Variants in TAP1 observed in about 807,000 individuals in gnomAD.
TAP1 encodes the protein transporter 1, ATP binding cassette subfamily B member.
TAP1 carries 56 observed loss-of-function variants against 79.3 expected under a neutral mutation model. The ratio of observed to expected loss-of-function variants is 0.71; its 90% CI spans 0.57 to 0.88. The LOEUF (loss-of-function observed/expected upper bound fraction) is 0.88, where lower values mean the gene tolerates loss of function less well. Among genes scored for constraint, TAP1 ranks in the 40% least tolerant of loss-of-function variants. The pLI, the probability that TAP1 is intolerant of heterozygous loss-of-function variation, is 0.00. For synonymous variants in TAP1, 355 were observed against 401.4 expected (o/e 0.88, Z 1.38); for missense variants, 737 against 936.3 (o/e 0.79, Z 2.78).
chr6:32,853,198 C>T lies in TAP1; in HGVS notation c.439G>A (p.Ala147Thr). The T allele has an allele frequency of 6.2e-7, 1 of 1,611,964 alleles. No individual in the cohort carries two copies. The highest frequency in any genetic ancestry group is 8.5e-7 in the Non-Finnish European group (1 of 1,179,538). Residue 147 changes from alanine to threonine, a missense_variant, in exon 1 of 11, where the codon GCA becomes ACA. Physicochemically the swap from Ala to Thr is moderately conservative, Grantham distance 58. Transcript: ENST00000354258. This position sits in a 1 kb window ranked among gnomAD's most constrained non-coding sequence, Gnocchi z 8.3. Reference protein sequence around the residue: ...PTAFVVSYAAALPAAALWHKL... With the variant: ...PTAFVVSYAATLPAAALWHKL... ...TGCCACAGGGCTGCTGCGGGCAGTG[C>T]CGCTGCATAACTGACAACGAAGGCG...
chr6:32,849,255 A>T, intron 5 of TAP1, 137 bp from the exon 6 acceptor site: 1 of 1,023,648 alleles, frequency 9.8e-7, no homozygotes, highest in Admixed American at 2.0e-5. Context: ...GGCAGACAGG[A>T]GAATGAACCA....
Position 32,852,478 on chromosome 6 carries a change from G to T in TAP1, c.623C>A (p.Thr208Lys). The change falls in exon 2 of 11, where the codon ACG becomes AAG. Residue 208 changes from threonine (T) to lysine (K), a missense_variant. Around this residue, in one of 5 missense-constraint regions of TAP1, gnomAD observed 406 missense variants for 477.2 expected, o/e 0.85. Transcript: ENST00000354258. The surrounding 1 kb of genome is among the most constrained non-coding windows in gnomAD (Gnocchi z 4.8). ...TAGAATCCAGTCAGTGAGGCGGCCCGTAAAGAATGGAATGGCCATCTCCCC... is the reference window on the plus strand; with the variant it reads ...TAGAATCCAGTCAGTGAGGCGGCCCTTAAAGAATGGAATGGCCATCTCCCC... ...SLGEMAIPFF[T>K]GRLTDWILQD... 6.2e-7 allele frequency: 1 copy of T among 1,613,008 alleles called. No homozygotes were observed. Among genetic ancestry groups the T allele is most frequent in the Non-Finnish European group, 8.5e-7 (1 of 1,180,016 alleles).
Position 32,847,918 on chromosome 6 carries a change from C to G in TAP1, c.1740+1G>C, listed in dbSNP as rs1414350155. On this transcript the variant is annotated splice_donor_variant, in intron 8 of 10. Transcript: ENST00000354258. LOFTEE classifies it high-confidence loss of function. This position sits in a 1 kb window ranked among gnomAD's most constrained non-coding sequence, Gnocchi z 4.7. ...CTCCTTCAAGCCACCTGCTTCCATA[C>G]CTGCCTGTGCAGGTAGCGGTGCTCA... is the stretch of plus-strand genomic sequence containing the variant. 6.2e-7 allele frequency: 1 copy of G among 1,613,142 alleles called. No homozygotes were observed. The highest frequency in any genetic ancestry group is 8.5e-7 in the Non-Finnish European group (1 of 1,180,052).
chr6:32,852,948 GA>G lies in TAP1; in HGVS notation c.598+90del, dbSNP rs1770883030. 2.6e-6 allele frequency: 4 copies of G among 1,513,750 alleles called. No homozygotes were observed. Among genetic ancestry groups the G allele is most frequent in the Non-Finnish European group, 3.5e-6 (4 of 1,133,524 alleles). The allele number at this position is 1,513,750 out of a possible 1,614,324, so 93.8% of individuals were successfully genotyped here. On this transcript the variant is annotated intron_variant, in intron 1 of 10. Transcript: ENST00000354258. This position sits in a 1 kb window ranked among gnomAD's most constrained non-coding sequence, Gnocchi z 4.8. ...TCCTTCTCCTGCTCCACATTTCCCA[GA>G]ACCCACGCTACTCTACCTTACTGAC...
chr6:32,852,238 C>T lies in TAP1; in HGVS notation c.715G>A (p.Ala239Thr). ...CCGTCACCCACGAACTCCAGCACTG[C>T]ACTATAAAGAACCCGGAAAAAAAGG... Reference protein sequence around the residue: ...TLMSILTIASAVLEFVGDGIY... With the variant: ...TLMSILTIASTVLEFVGDGIY... Residue 239 changes from alanine to threonine, a missense_variant and splice_region_variant, in exon 3 of 11, where the codon GCA becomes ACA. Ala to Thr is a moderately conservative substitution (Grantham distance 58). Around this residue, in one of 5 missense-constraint regions of TAP1, gnomAD observed 406 missense variants for 477.2 expected, o/e 0.85. Transcript: ENST00000354258. The surrounding 1 kb of genome is among the most constrained non-coding windows in gnomAD (Gnocchi z 4.8). 6.2e-7 allele frequency: 1 copy of T among 1,612,970 alleles called. No homozygotes were observed. The highest frequency in any genetic ancestry group is 1.1e-5 in the South Asian group (1 of 91,082).
chr6:32,845,484 C>A lies in TAP1; in HGVS notation c.*95G>T, dbSNP rs1213411729. ...CACTCAAGGCAAATTTCAAGTAACT[C>A]ATCCTGGAGGCAGCTGCCTACTCTG... is the stretch of plus-strand genomic sequence containing the variant. On this transcript the variant is annotated 3_prime_UTR_variant, in exon 11 of 11. Transcript: ENST00000354258. The surrounding 1 kb of genome is among the most constrained non-coding windows in gnomAD (Gnocchi z 4.5). 1 of 1,368,702 alleles carries A rather than the reference C, an allele frequency of 7.3e-7. No homozygotes were observed. Among genetic ancestry groups the A allele is most frequent in the African/African-American group, 1.4e-5 (1 of 69,754 alleles). 84.8% of individuals were successfully genotyped at this position (1,368,702 alleles called of 1,614,324 possible).
chr6:32,853,666 C>G lies in TAP1; in HGVS notation c.-30G>C, dbSNP rs759406094. 2 of 1,597,436 alleles carry G rather than the reference C, an allele frequency of 1.3e-6. No homozygotes were observed. Among genetic ancestry groups the G allele is most frequent in the African/African-American group, 2.7e-5 (2 of 74,724 alleles). On this transcript the variant is annotated 5_prime_UTR_variant, in exon 1 of 11. Transcript: ENST00000354258. This position sits in a 1 kb window ranked among gnomAD's most constrained non-coding sequence, Gnocchi z 8.3. ...ACTCGGACGCCGTCCCGGTCCCGGC[C>G]GGGCCTGGGACTCTCCGCGCCCCGG...
chr6:32,851,924 T>TGTGAGAGAGAGAGA lies in TAP1; in HGVS notation c.844+184_844+185insTCTCTCTCTCTCAC, dbSNP rs1554246364. Among the ~76,000 whole-genome samples, 239 of 147,432 alleles carry TGTGAGAGAGAGAGA rather than the reference T, an allele frequency of 1.6e-3. No homozygotes were observed. Among genetic ancestry groups the TGTGAGAGAGAGAGA allele is most frequent in the East Asian group, 5.4e-3 (27 of 5,024 alleles). Reference sequence around the variant, plus strand: ...AAAAACAATTGTGTGTGTGTGTGTGTGAGAGAGAGAGAGAGAGAGACAGAG... The same window carrying TGTGAGAGAGAGAGA: ...AAAAACAATTGTGTGTGTGTGTGTGTGTGAGAGAGAGAGAGAGAGAGAGAGAGAGAGAGACAGAG... On this transcript the variant is annotated intron_variant, in intron 3 of 10. Coordinates refer to ENST00000354258, the MANE Select transcript of TAP1 (RefSeq NM_000593.6). This position sits in a 1 kb window ranked among gnomAD's most constrained non-coding sequence, Gnocchi z 4.8.
Position 32,850,991 on chromosome 6 carries a change from G to A in TAP1, c.1003C>T (p.Leu335=), listed in dbSNP as rs757337208. Residue 335 remains leucine (L), a synonymous_variant, in exon 4 of 11, where the codon CTG becomes TTG. Coordinates refer to ENST00000354258, the MANE Select transcript of TAP1 (RefSeq NM_000593.6). The surrounding 1 kb of genome is among the most constrained non-coding windows in gnomAD (Gnocchi z 5.5). The stretch of plus-strand genomic sequence containing the variant: ...TTGGGCAGAAGGAAAAGCAGAGGCA[G>A]GGTGATCAGGGTGACCATGGTGAGG... ...VSLTMVTLIT[L]PLLFLLPKKV... The A allele has an allele frequency of 8.1e-6, 13 of 1,612,762 alleles. No individual in the cohort carries two copies. Among genetic ancestry groups the A allele is most frequent in the African/African-American group, 4.0e-5 (3 of 74,860 alleles).
In TAP1 at chr6:32,850,520, G is replaced by A. The variant is rs56366814; in HGVS notation, c.1051-3C>T. 4,933 of 1,610,784 alleles carry A rather than the reference G, an allele frequency of 3.1e-3. 24 individuals are homozygous for A. The highest frequency in any genetic ancestry group is 0.013 in the Middle Eastern group (73 of 5,736). ...TCCCGCACCTGCACTTCCAGCAACT[G>A]TGGATACATGGACAAGAGATGTCAC... On this transcript the variant is annotated splice_polypyrimidine_tract_variant and splice_region_variant and intron_variant, in intron 4 of 10. Transcript: ENST00000354258. This position sits in a 1 kb window ranked among gnomAD's most constrained non-coding sequence, Gnocchi z 5.5.
At chr6:32,846,606 G>A (rs1399646698) in intron 10 of TAP1, 3 of 289,822 alleles carry the variant, frequency 1.0e-5, no homozygotes, top group Non-Finnish European at 2.0e-5. Flanking sequence ...GATTACCTGA[G>A]CTCAGGAATT....
intron 10 of TAP1, chr6:32,846,125 G>A (rs2127384772): frequency 2.6e-6 from 1 of 380,068 alleles, no homozygotes; most frequent in Non-Finnish European, 4.9e-6. Context: ...AAAGAGATGA[G>A]CATTCAAGTC....
At chr6:32,849,664 C>T (rs999841421) in intron 5 of TAP1, 14 of 176,336 alleles carry the variant, frequency 7.9e-5, no homozygotes, top group Non-Finnish European at 1.1e-4. Flanking sequence ...GGCGGGAGAA[C>T]GGCGTGAACC....
At position 32,847,042 on chromosome 6, in the gene TAP1, A is replaced by G; in HGVS notation, c.2040+26T>C. On this transcript the variant is annotated intron_variant, in intron 10 of 10. Transcript: ENST00000354258. The surrounding 1 kb of genome is among the most constrained non-coding windows in gnomAD (Gnocchi z 4.7). ...AAAGAAGCAAGATTGGGTGGGATATAGCCATTAAGAAGATGACTGCCTCAC... is the reference window on the plus strand; with the variant it reads ...AAAGAAGCAAGATTGGGTGGGATATGGCCATTAAGAAGATGACTGCCTCAC... 1 of 1,611,220 alleles carries G rather than the reference A, an allele frequency of 6.2e-7. No homozygotes were observed. The highest frequency in any genetic ancestry group is 8.5e-7 in the Non-Finnish European group (1 of 1,180,024).
Position 32,851,160 on chromosome 6 carries a change from G to A in TAP1, c.845-11C>T, listed in dbSNP as rs1243992730. The A allele has an allele frequency of 1.9e-6, 3 of 1,612,308 alleles. No homozygotes were observed. Among genetic ancestry groups the A allele is most frequent in the South Asian group, 1.1e-5 (1 of 91,040 alleles). ...GAGACATGATGTTACCTGCAGGGTT[G>A]GGGAGAAGAGAGTGAGGTGAATCAG... is the stretch of plus-strand genomic sequence containing the variant. On this transcript the variant is annotated splice_polypyrimidine_tract_variant and intron_variant, in intron 3 of 10. Transcript: ENST00000354258. This position sits in a 1 kb window ranked among gnomAD's most constrained non-coding sequence, Gnocchi z 4.8.
chr6:32,850,857 TG>T lies in TAP1; in HGVS notation c.1050+86del. The T allele has an allele frequency of 8.0e-7, 1 of 1,242,554 alleles. No homozygotes were observed. Among genetic ancestry groups the T allele is most frequent in the Non-Finnish European group, 1.2e-6 (1 of 844,318 alleles). 77.0% of individuals were successfully genotyped at this position (1,242,554 alleles called of 1,614,324 possible). On this transcript the variant is annotated intron_variant, in intron 4 of 10. Transcript: ENST00000354258. The surrounding 1 kb of genome is among the most constrained non-coding windows in gnomAD (Gnocchi z 5.5). ...GAATCAGTAAGGGTGCCAGGAAAGC[TG>T]GACTGAAAGCAATGTGAGAGGAACT...
In TAP1 at chr6:32,852,765, G is replaced by T; in HGVS notation, c.599-263C>A. On this transcript the variant is annotated intron_variant, in intron 1 of 10. Transcript: ENST00000354258. The surrounding 1 kb of genome is among the most constrained non-coding windows in gnomAD (Gnocchi z 4.8). The stretch of plus-strand genomic sequence containing the variant: ...AAAGCCTCCTGTTAGAGATGAGGAT[G>T]CCCCGCCCTTCGGCCCCAGAGCAAA... The T allele has an allele frequency of 6.9e-7, 1 of 1,441,704 alleles. No individual in the cohort carries two copies. Among genetic ancestry groups the T allele is most frequent in the South Asian group, 1.5e-5 (1 of 66,476 alleles). The allele number at this position is 1,441,704 out of a possible 1,614,324, so 89.3% of individuals were successfully genotyped here. A position where few individuals can be genotyped will look rare whatever the true frequency, so the allele number is the denominator to read the frequency against.
In TAP1 at chr6:32,853,549, G is replaced by A; in HGVS notation, c.88C>T (p.Leu30Phe). The change falls in exon 1 of 11, where the codon CTC becomes TTC. Residue 30 changes from leucine to phenylalanine, a missense_variant. Coordinates refer to ENST00000354258, the MANE Select transcript of TAP1 (RefSeq NM_000593.6). The surrounding 1 kb of genome is among the most constrained non-coding windows in gnomAD (Gnocchi z 8.3). ...LAWLGTVLLL[L>F]ADWVLLRTAL... ...GTCCGGAGCAGCACCCAGTCGGCGAGAAGTAGCAGTACTGTCCCCAGCCAT... is the reference window on the plus strand; with the variant it reads ...GTCCGGAGCAGCACCCAGTCGGCGAAAAGTAGCAGTACTGTCCCCAGCCAT... The A allele has an allele frequency of 1.9e-6, 3 of 1,610,670 alleles. No homozygotes were observed. Among genetic ancestry groups the A allele is most frequent in the Non-Finnish European group, 2.5e-6 (3 of 1,178,254 alleles).
chr6:32,852,128 A>G lies in TAP1; in HGVS notation c.825T>C (p.Phe275=). Residue 275 remains phenylalanine, a synonymous_variant, in exon 3 of 11, where the codon TTT becomes TTC. Transcript: ENST00000354258. This position sits in a 1 kb window ranked among gnomAD's most constrained non-coding sequence, Gnocchi z 4.8. ...AGAAACCTGTCTGGTTCTGTTGGAA[A>G]AACTCCGTCTCCTGGCGCAGGACAG... is the stretch of plus-strand genomic sequence containing the variant. ...FGAVLRQETE[F]FQQNQTGNIM... is the part of the protein sequence containing the mutation. 6.2e-7 allele frequency: 1 copy of G among 1,613,000 alleles called. No homozygotes were observed. Among genetic ancestry groups the G allele is most frequent in the Non-Finnish European group, 8.5e-7 (1 of 1,180,016 alleles).
Sources: gnomAD v4.1 joint callset for allele counts (sites outside exome capture counted in the v4.1 genomes callset) on GRCh38, gnomAD v4.1.1 for gene constraint, gnomAD v4.1.1 regional missense constraint, Gnocchi (gnomAD v3.1) non-coding constraint, MANE v1.5 for transcripts, NCBI Gene and HGNC (gene_info 2026-07-23, HGNC 2026-07-21) for gene names.